GRK7: variants seen among roughly 807,000 people sequenced by gnomAD.
GRK7 encodes the protein rhodopsin kinase GRK7.
GRK7 carries 24 observed loss-of-function variants against 34.1 expected under a neutral mutation model. That is an observed-to-expected ratio of 0.70 (90% CI 0.51 to 0.99). The LOEUF (loss-of-function observed/expected upper bound fraction) is 0.99, where lower values mean the gene tolerates loss of function less well. GRK7 is among the 50% of genes least tolerant of loss of function. The pLI is 0.00. For synonymous variants in GRK7, 256 were observed against 279.4 expected (o/e 0.92, Z 0.84); for missense variants, 644 against 707.3 (o/e 0.91, Z 1.02).
intron 4 of GRK7, among the ~76,000 whole-genome samples, chr3:141,807,339 A>G (rs1032806300): frequency 2.0e-5 from 3 of 152,210 alleles, no homozygotes; most frequent in African/African-American, 4.8e-5. Context: ...TGATGAGCCT[A>G]AGAGAGGTAA....
At chr3:141,812,040 C>A (rs916233250) in intron 5 of GRK7, among the ~76,000 whole-genome samples, 2 of 152,178 alleles carry the variant, frequency 1.3e-5, no homozygotes, top group African/African-American at 2.4e-5. Context: ...AGCAAATAAT[C>A]GTGAAAATCT....
At chr3:141,756,422 CTACTT>C in the GRK7 span, among the ~76,000 whole-genome samples, 1 of 152,068 alleles carries the variant, frequency 6.6e-6, no homozygotes, top group Non-Finnish European at 1.5e-5. Context: ...GCACAAAAGA[CTACTT>C]AACTGTATGA....
rs916049051 is a variant in GRK7 at position 141,816,908 on chromosome 3, A to T, written c.1520A>T (p.Asn507Ile). 6.2e-7 allele frequency: 1 copy of T among 1,614,144 alleles called. No individual in the cohort carries two copies. ...GACAAAGATAAGCAGTTCTTCAAAAACTTTGCGACAGGTGCTGTTCCTATA... is the reference window on the plus strand; with the variant it reads ...GACAAAGATAAGCAGTTCTTCAAAATCTTTGCGACAGGTGCTGTTCCTATA... ...FDDKDKQFFK[N>I]FATGAVPIAW... Residue 507 changes from asparagine to isoleucine, a missense_variant, in exon 6 of 6, where the codon AAC (asparagine) becomes ATC (isoleucine). Transcript: ENST00000682958.
intron 4 of GRK7, among the ~76,000 whole-genome samples, chr3:141,797,316 C>G (rs1401505397): frequency 6.6e-6 from 1 of 152,188 alleles, no homozygotes; most frequent in Non-Finnish European, 1.5e-5. Flanking sequence ...CTGCGGCGCT[C>G]CTGATTCTGC....
rs151248397 is a variant in GRK7, at chr3:141,795,529, TA to T, written c.1051-12115del. Among the ~76,000 whole-genome samples, 390 of 152,144 alleles carry T rather than the reference TA, an allele frequency of 2.6e-3. 1 individual carries two copies. The highest frequency in any genetic ancestry group is 8.2e-3 in the African/African-American group (342 of 41,502). ...TGGGAGGGGTGACTAACGATACAACTAGAGAGTTTAGCAGACACCAGGCCCT... is the reference window on the plus strand; with the variant it reads ...TGGGAGGGGTGACTAACGATACAACTGAGAGTTTAGCAGACACCAGGCCCT... On this transcript the variant is annotated intron_variant, in intron 4 of 5. Transcript: ENST00000682958.
rs114346657 is a variant in GRK7, at chr3:141,766,825, T to G, written c.-215+1087T>G. Among the ~76,000 whole-genome samples, 851 of 152,380 alleles carry G rather than the reference T, an allele frequency of 5.6e-3. 14 individuals are homozygous for G. The highest frequency in any genetic ancestry group is 0.02 in the African/African-American group (817 of 41,608). On this transcript the variant is annotated intron_variant, in intron 1 of 5. Transcript: ENST00000682958. ...AATCTCGTACTTTCCAGAGAGTTGCTTAGCAGATTTTTAAAATCTTATTGT... is the reference window on the plus strand; with the variant it reads ...AATCTCGTACTTTCCAGAGAGTTGCGTAGCAGATTTTTAAAATCTTATTGT...
chr3:141,755,600 C>T, the GRK7 span, among the ~76,000 whole-genome samples: 1,655 of 152,268 alleles, frequency 0.011, 28 homozygotes, highest in East Asian at 0.07. Flanking sequence ...CATTATGCCT[C>T]ATCAGAAAAT....
Position 141,778,574 on chromosome 3 carries a change from A to T in GRK7, c.290A>T (p.Glu97Val), listed in dbSNP as rs1278363969. The T allele has an allele frequency of 1.2e-6, 2 of 1,613,094 alleles. No homozygotes were observed. Among genetic ancestry groups the T allele is most frequent in the African/African-American group, 2.7e-5 (2 of 74,942 alleles). The change falls in exon 3 of 6, where the codon GAG (glutamate) becomes GTG (valine). Residue 97 changes from glutamate to valine, a missense_variant. Physicochemically the swap from Glu to Val is moderately radical, Grantham distance 121. Transcript: ENST00000682958. This position sits in a 1 kb window ranked among gnomAD's most constrained non-coding sequence, Gnocchi z 4.1. ...LEDVQNWELA[E>V]EGPTKDSALQ... ...GACGTGCAGAACTGGGAGCTGGCCG[A>T]GGAGGGACCCACCAAAGACAGCGCG...
chr3:141,809,519 G>C (rs1410447286), intron 5 of GRK7, among the ~76,000 whole-genome samples: 1 of 151,974 alleles, frequency 6.6e-6, no homozygotes, highest in Non-Finnish European at 1.5e-5. Context: ...GCAACATAGA[G>C]AGACTGTGCC....
intron 1 of GRK7, among the ~76,000 whole-genome samples, chr3:141,773,068 G>A (rs549431053): frequency 1.3e-5 from 2 of 151,188 alleles, no homozygotes; most frequent in East Asian, 1.9e-4. Flanking sequence ...CCTGGGAGGC[G>A]GAGGTTGCAG....
rs915271579 is a variant in GRK7, at chr3:141,778,960, CCTTT to C, written c.612+69_612+72del. 5.2e-5 allele frequency: 76 copies of C among 1,456,838 alleles called. No homozygotes were observed. The highest frequency in any genetic ancestry group is 6.8e-5 in the Non-Finnish European group (73 of 1,080,192). 90.2% of individuals were successfully genotyped at this position (1,456,838 alleles called of 1,614,324 possible). On this transcript the variant is annotated intron_variant, in intron 3 of 5. Transcript: ENST00000682958. The surrounding 1 kb of genome is among the most constrained non-coding windows in gnomAD (Gnocchi z 4.1). Reference sequence around the variant, plus strand: ...TAGAGCATGAAAGGGGGTAATGTTGCCTTTCTTTTTTTAAATCTCAGTTACTTAG... The same window carrying C: ...TAGAGCATGAAAGGGGGTAATGTTGCCTTTTTTTAAATCTCAGTTACTTAG...
chr3:141,756,157 C>A, the GRK7 span, among the ~76,000 whole-genome samples: 3 of 152,028 alleles, frequency 2.0e-5, no homozygotes, highest in South Asian at 6.2e-4. Context: ...ACTAAAAATA[C>A]AAAAATTAGC....
Position 141,778,141 on chromosome 3 carries a change from C to T in GRK7, c.-113-31C>T. ...TCAAAGCTTCTTACAAGAGAAACCT[C>T]TTTCACACCCTCCACGGGTCCCACC... On this transcript the variant is annotated intron_variant, in intron 2 of 5. Coordinates refer to ENST00000682958, the MANE Select transcript of GRK7 (RefSeq NM_139209.3). This position sits in a 1 kb window ranked among gnomAD's most constrained non-coding sequence, Gnocchi z 4.1. 9.8e-7 allele frequency: 1 copy of T among 1,024,808 alleles called. No individual in the cohort carries two copies. The highest frequency in any genetic ancestry group is 2.7e-5 in the Admixed American group (1 of 37,566). The allele number at this position is 1,024,808 out of a possible 1,614,324, so 63.5% of individuals were successfully genotyped here.
intron 4 of GRK7, among the ~76,000 whole-genome samples, chr3:141,783,189 C>T (rs2084679924): frequency 6.6e-6 from 1 of 152,200 alleles, no homozygotes; most frequent in Non-Finnish European, 1.5e-5. Context: ...CTCCATCCAA[C>T]AGCTTTCACT....
chr3:141,813,793 C>T (rs1711120459), intron 5 of GRK7, among the ~76,000 whole-genome samples: 1 of 152,186 alleles, frequency 6.6e-6, no homozygotes, highest in Non-Finnish European at 1.5e-5. Flanking sequence ...GAAAAAGTCA[C>T]CTATTTACTC....
At position 141,778,692 on chromosome 3, in the gene GRK7, A is replaced by G. The variant is rs770761010; in HGVS notation, c.408A>G (p.Ala136=). The G allele has an allele frequency of 3.1e-6, 5 of 1,613,634 alleles. No homozygotes were observed. Among genetic ancestry groups the G allele is most frequent in the Non-Finnish European group, 4.2e-6 (5 of 1,179,752 alleles). Residue 136 remains alanine (A), a synonymous_variant, in exon 3 of 6, where the codon GCA becomes GCG. Transcript: ENST00000682958. This position sits in a 1 kb window ranked among gnomAD's most constrained non-coding sequence, Gnocchi z 4.1. The part of the protein sequence containing the change: ...LSQAVATKCQ[A]ATTEEERVAA... ...AGGCCGTGGCCACCAAGTGCCAAGC[A>G]GCCACCACTGAGGAAGAGCGAGTGG...
At chr3:141,804,616 C>T (rs930756658) in intron 4 of GRK7, among the ~76,000 whole-genome samples, 28 of 151,322 alleles carry the variant, frequency 1.9e-4, no homozygotes, top group South Asian at 6.3e-4. Flanking sequence ...CGCATACACA[C>T]GCTCATACAT....
chr3:141,801,236 G>A (rs1348336240), intron 4 of GRK7, among the ~76,000 whole-genome samples: 2 of 150,634 alleles, frequency 1.3e-5, no homozygotes, highest in Non-Finnish European at 3.0e-5. Flanking sequence ...GCGTGAACCT[G>A]GGAGGCGGAG....
At chr3:141,807,506 C>T (rs1044393491) in intron 4 of GRK7, 139 bp from the exon 5 acceptor site, 14 of 763,116 alleles carry the variant, frequency 1.8e-5, no homozygotes, top group Middle Eastern at 3.9e-4. Flanking sequence ...AGACACATTG[C>T]CACCCCAAAC....
Sources: gnomAD v4.1 joint callset for allele counts (sites outside exome capture counted in the v4.1 genomes callset) on GRCh38, gnomAD v4.1.1 for gene constraint, Gnocchi (gnomAD v3.1) non-coding constraint, MANE v1.5 for transcripts, NCBI Gene and HGNC (gene_info 2026-07-23, HGNC 2026-07-21) for gene names.